The following SIK3 variants were observed in gnomAD, a reference collection of about 807,000 sequenced individuals.
The protein encoded by SIK3 is serine/threonine-protein kinase SIK3.
Under a neutral mutation model 144.2 loss-of-function variants are expected in SIK3, and 28 were observed. The ratio of observed to expected loss-of-function variants is 0.19; its 90% CI spans 0.14 to 0.27. The LOEUF is 0.27. Ranked by LOEUF, SIK3 falls within the 10% of genes least tolerant of loss-of-function variation. The pLI, the probability that SIK3 is intolerant of heterozygous loss-of-function variation, is 1.00. For missense variants in SIK3, 1,319 were observed against 1,776.0 expected (o/e 0.74, Z 4.62); for synonymous variants, 686 against 676.3 (o/e 1.01, Z -0.22).
chr11:117,080,513 T>C (rs1410673963), intron 1 of SIK3, among the ~76,000 whole-genome samples: 2 of 152,236 alleles, frequency 1.3e-5, no homozygotes, highest in African/African-American at 4.8e-5. Flanking sequence ...AATAAAATTC[T>C]TTTATTTTTT....
At chr11:116,956,088 C>G (rs1336936373) in intron 2 of SIK3, among the ~76,000 whole-genome samples, 1 of 152,136 alleles carries the variant, frequency 6.6e-6, no homozygotes, top group African/African-American at 2.4e-5. Context: ...GATGGCTGTT[C>G]TGGCAGAAAG....
chr11:117,051,495 T>A (rs1212084527), intron 1 of SIK3, among the ~76,000 whole-genome samples: 1 of 152,020 alleles, frequency 6.6e-6, no homozygotes, highest in Non-Finnish European at 1.5e-5. Flanking sequence ...GATATAGATA[T>A]GGAAACTTAT....
At chr11:117,006,171 A>G (rs1389025952) in intron 1 of SIK3, among the ~76,000 whole-genome samples, 1 of 152,216 alleles carries the variant, frequency 6.6e-6, no homozygotes, top group Non-Finnish European at 1.5e-5. Flanking sequence ...AGCAGGGTTA[A>G]GCATTCCTAA....
chr11:116,913,770 G>T (rs1900198), intron 4 of SIK3, among the ~76,000 whole-genome samples: 118,712 of 152,026 alleles, frequency 0.78, 46,694 homozygotes, highest in Non-Finnish European at 0.83. Flanking sequence ...TTATAGAACA[G>T]GATGAATCAG....
At position 117,017,655 on chromosome 11, in the gene SIK3, T is replaced by C. The variant is rs182263592; in HGVS notation, c.274-60591A>G. 2.0e-3 allele frequency among the ~76,000 whole-genome samples: 305 copies of C among 152,158 alleles called. 1 individual carries two copies. The highest frequency in any genetic ancestry group is 6.3e-3 in the African/African-American group (263 of 41,528). ...ACTCCTGATTAGGTCATCATTCTAG[T>C]AGAAAAAAAACTGGTTATACAACTC... On this transcript the variant is annotated intron_variant, in intron 1 of 24. Transcript: ENST00000445177.
At chr11:116,964,696 C>A (rs1000321925) in intron 1 of SIK3, among the ~76,000 whole-genome samples, 1 of 152,214 alleles carries the variant, frequency 6.6e-6, no homozygotes, top group African/African-American at 2.4e-5. Context: ...GCCTGGCCAA[C>A]ATGGTGAAAC....
At chr11:116,934,748 G>C (rs1947812392) in intron 3 of SIK3, among the ~76,000 whole-genome samples, 1 of 151,830 alleles carries the variant, frequency 6.6e-6, no homozygotes, top group South Asian at 2.1e-4. Context: ...AGCCTGAACA[G>C]CAAAGCAAGA....
At chr11:116,888,051 T>C (rs545601292) in intron 6 of SIK3, among the ~76,000 whole-genome samples, 11 of 152,306 alleles carry the variant, frequency 7.2e-5, no homozygotes, top group African/African-American at 2.6e-4. Context: ...GAGCTAACTA[T>C]ATCCATTTGC....
chr11:116,849,354 A>C lies in SIK3; in HGVS notation c.3656-71T>G. 2 of 1,581,126 alleles carry C rather than the reference A, an allele frequency of 1.3e-6. No individual in the cohort carries two copies. The highest frequency in any genetic ancestry group is 2.2e-5 in the East Asian group (1 of 44,524). Reference sequence around the variant, plus strand: ...CAGCACTGGAAACTCCCATCCAAGAAATGTCTTGCAAGGGACAATGGGCAA... The same window carrying C: ...CAGCACTGGAAACTCCCATCCAAGACATGTCTTGCAAGGGACAATGGGCAA... On this transcript the variant is annotated intron_variant, in intron 21 of 24. Transcript: ENST00000445177. The surrounding 1 kb of genome is among the most constrained non-coding windows in gnomAD (Gnocchi z 4.2).
chr11:117,059,514 T>A (rs1212896010), intron 1 of SIK3, among the ~76,000 whole-genome samples: 2 of 152,172 alleles, frequency 1.3e-5, no homozygotes, highest in Non-Finnish European at 2.9e-5. Context: ...TGATGATTAT[T>A]TGTCACAACC....
chr11:116,898,151 A>T (rs1345977455), intron 4 of SIK3, among the ~76,000 whole-genome samples: 28 of 148,910 alleles, frequency 1.9e-4, no homozygotes, highest in Non-Finnish European at 1.8e-4. Context: ...CAGTCCCCAG[A>T]GTGTGATGTT....
chr11:116,861,249 G>T, intron 19 of SIK3, 25 bp downstream of exon 19: 2 of 1,504,280 alleles, frequency 1.3e-6, no homozygotes, highest in Non-Finnish European at 1.8e-6. Context: ...AAAATGAACT[G>T]TTTGGTCTGA....
chr11:116,986,818 C>G (rs1268199594), intron 1 of SIK3, among the ~76,000 whole-genome samples: 2 of 152,178 alleles, frequency 1.3e-5, no homozygotes, highest in Non-Finnish European at 2.9e-5. Flanking sequence ...ACCAGTTTTA[C>G]TGGATTACTC....
At chr11:116,875,783 G>A (rs577668733) in intron 9 of SIK3, 83 bp downstream of exon 9, 14 of 1,460,080 alleles carry the variant, frequency 9.6e-6, no homozygotes, top group African/African-American at 5.7e-5. Flanking sequence ...AGAAACTCTC[G>A]ACTTAGGGTT....
chr11:116,988,171 T>C (rs1252337280), intron 1 of SIK3, among the ~76,000 whole-genome samples: 1 of 151,972 alleles, frequency 6.6e-6, no homozygotes. Context: ...GGCAGGTGGA[T>C]CACAAGGAGA....
chr11:117,009,708 T>G (rs1379612631), intron 1 of SIK3, among the ~76,000 whole-genome samples: 1 of 152,206 alleles, frequency 6.6e-6, no homozygotes, highest in Non-Finnish European at 1.5e-5. Context: ...CTCTAATGTA[T>G]CAAATCAATA....
intron 21 of SIK3, chr11:116,855,592 A>C (rs1591377994): frequency 6.6e-6 from 1 of 152,438 alleles, no homozygotes; most frequent in East Asian, 1.9e-4. Flanking sequence ...GGAAGTATTG[A>C]AAGTACACGG....
intron 13 of SIK3, 23 bp downstream of exon 13, chr11:116,873,458 T>C (rs1291591063): frequency 6.8e-6 from 11 of 1,614,046 alleles, no homozygotes; most frequent in Non-Finnish European, 9.3e-6. Context: ...AGACAGTGAA[T>C]TGGGCTCTGT....
chr11:116,952,365 G>A (rs867436301), intron 3 of SIK3, among the ~76,000 whole-genome samples: 9 of 152,160 alleles, frequency 5.9e-5, no homozygotes, highest in Non-Finnish European at 1.3e-4. Context: ...TTGCACCACT[G>A]CATTCCAGCC....
Sources: allele counts gnomAD v4.1 joint callset (sites outside exome capture counted in the v4.1 genomes callset), GRCh38; gene constraint gnomAD v4.1.1; non-coding constraint Gnocchi (gnomAD v3.1); transcripts MANE v1.5; gene names NCBI Gene and HGNC (gene_info 2026-07-23, HGNC 2026-07-21).